The following GRIA2 variants were observed in gnomAD, a reference collection of about 807,000 sequenced individuals.
GRIA2 encodes glutamate ionotropic receptor AMPA type subunit 2.
In GRIA2, 14 loss-of-function variants were observed where a neutral mutation model predicts 97.3. That is an observed-to-expected ratio of 0.14 (90% CI 0.10 to 0.23). GRIA2 has a LOEUF of 0.23. Among genes scored for constraint, GRIA2 ranks in the 10% least tolerant of loss-of-function variants. The pLI, the probability that GRIA2 is intolerant of heterozygous loss-of-function variation, is 1.00. For synonymous variants in GRIA2, 412 were observed against 387.8 expected (o/e 1.06, Z -0.73); for missense variants, 558 against 1,069.8 (o/e 0.52, Z 6.67).
chr4:157,224,690 G>T (rs1327662285), intron 2 of GRIA2, among the ~76,000 whole-genome samples: 2 of 152,204 alleles, frequency 1.3e-5, no homozygotes, highest in African/African-American at 4.8e-5. Flanking sequence ...AAATTTGTCA[G>T]CATGGGTCTT....
intron 2 of GRIA2, among the ~76,000 whole-genome samples, chr4:157,229,668 C>G (rs1297751628): frequency 6.6e-6 from 1 of 152,078 alleles, no homozygotes; most frequent in Non-Finnish European, 1.5e-5. Flanking sequence ...TTAATACTTA[C>G]ATTTTTTCCT....
At chr4:157,328,899 A>C (rs1734925861) in intron 6 of GRIA2, among the ~76,000 whole-genome samples, 1 of 152,020 alleles carries the variant, frequency 6.6e-6, no homozygotes. Context: ...GTTTCTTGCC[A>C]ATGCAGCTCC....
intron 6 of GRIA2, among the ~76,000 whole-genome samples, chr4:157,329,441 T>C (rs995813252): frequency 2.0e-5 from 3 of 151,966 alleles, no homozygotes; most frequent in African/African-American, 7.2e-5. Flanking sequence ...CATAAAACAC[T>C]ATTCTTATGG....
intron 2 of GRIA2, among the ~76,000 whole-genome samples, chr4:157,227,966 A>G (rs546645474): frequency 1.3e-5 from 2 of 152,360 alleles, no homozygotes; most frequent in South Asian, 4.1e-4. Context: ...GATTCTTACA[A>G]TGCTGTTCAT....
intron 8 of GRIA2, among the ~76,000 whole-genome samples, 181 bp from the exon 9 acceptor site, chr4:157,333,829 A>T (rs948247518): frequency 6.6e-6 from 1 of 152,058 alleles, no homozygotes; most frequent in Non-Finnish European, 1.5e-5. Context: ...ATTTTTAGGA[A>T]TTTTTTTATA....
chr4:157,248,806 AT>A (rs1561009815), intron 2 of GRIA2, among the ~76,000 whole-genome samples: 9 of 136,196 alleles, frequency 6.6e-5, no homozygotes, highest in East Asian at 2.1e-4. Flanking sequence ...ATATATATAT[AT>A]ATATATAAAT....
chr4:157,331,246 G>A (rs1735034802), intron 6 of GRIA2, among the ~76,000 whole-genome samples: 1 of 151,838 alleles, frequency 6.6e-6, no homozygotes, highest in South Asian at 2.1e-4. Context: ...TATGCTACGT[G>A]GATCTGAATG....
At chr4:157,246,658 A>G (rs529483363) in intron 2 of GRIA2, among the ~76,000 whole-genome samples, 4 of 152,206 alleles carry the variant, frequency 2.6e-5, no homozygotes, top group South Asian at 2.1e-4. Context: ...GATGAGCTGC[A>G]TATATTGTGA....
intron 11 of GRIA2, among the ~76,000 whole-genome samples, chr4:157,339,531 TATC>T (rs1392825749): frequency 2.6e-5 from 4 of 151,984 alleles, no homozygotes; most frequent in Non-Finnish European, 4.4e-5. Context: ...AATTTTTAGA[TATC>T]ATGTACATTT....
chr4:157,336,843 G>A lies in GRIA2; in HGVS notation c.1844+96G>A, dbSNP rs770119631. 23 of 1,141,670 alleles carry A rather than the reference G, an allele frequency of 2.0e-5. No individual in the cohort carries two copies. In the East Asian group the frequency reaches 2.6e-4, roughly 13 times the overall value. The allele number at this position is 1,141,670 out of a possible 1,614,324, so 70.7% of individuals were successfully genotyped here. The stretch of plus-strand genomic sequence containing the variant: ...CACCCTAAAGAAGTTACCAGCTGCC[G>A]ACTTCCTGTCCAAGCAGTTTAAGAC... On this transcript the variant is annotated intron_variant, in intron 11 of 15. Transcript: ENST00000264426.
At chr4:157,336,044 CAGAA>C (rs1735269906) in intron 10 of GRIA2, among the ~76,000 whole-genome samples, 167 bp downstream of exon 10, 1 of 151,846 alleles carries the variant, frequency 6.6e-6, no homozygotes, top group Admixed American at 6.6e-5. Context: ...AGATTGAAGC[CAGAA>C]GTAGACATGT....
intron 6 of GRIA2, among the ~76,000 whole-genome samples, chr4:157,332,188 C>T (rs1022525922): frequency 3.3e-5 from 5 of 152,142 alleles, no homozygotes; most frequent in South Asian, 2.1e-4. Context: ...TGCTGTCCCA[C>T]TGGGATCTGA....
chr4:157,355,727 T>G lies in GRIA2; in HGVS notation c.2044-4169T>G, dbSNP rs1470243290. Among the ~76,000 whole-genome samples the G allele has an allele frequency of 8.8e-5, 8 of 90,492 alleles. No homozygotes were observed. In the East Asian group the frequency reaches 2.6e-3, roughly 29 times the overall value. 59.4% of individuals were successfully genotyped at this position (90,492 alleles called of 152,430 possible). On this transcript the variant is annotated intron_variant, in intron 12 of 15. Coordinates refer to ENST00000264426, the MANE Select transcript of GRIA2 (RefSeq NM_001083619.3). ...ATTTGTATATATTTATTTATATATT[T>G]ATTTATATATTTATTTATATATTTA...
At chr4:157,287,664 G>A (rs1476131192) in intron 2 of GRIA2, among the ~76,000 whole-genome samples, 2 of 151,458 alleles carry the variant, frequency 1.3e-5, no homozygotes, top group African/African-American at 4.8e-5. Context: ...GTTCCAAGAG[G>A]TGACTTTTGT....
Position 157,341,266 on chromosome 4 carries a change from C to T in GRIA2, c.1847C>T (p.Ser616Phe). Residue 616 changes from serine to phenylalanine, a missense_variant and splice_region_variant, in exon 12 of 16, where the codon TCC (serine) becomes TTC (phenylalanine). By Grantham distance (155) the Ser-to-Phe change is radical. This residue lies in a region of GRIA2 where 125 missense variants were observed against 310.2 expected (regional missense o/e 0.40). Transcript: ENST00000264426. ...ATCCATTTCATACTTGTTATTAGAT[C>T]CCTCTCTGGGCGCATTGTTGGAGGT... ...MQQGCDISPR[S>F]LSGRIVGGVW... The T allele has an allele frequency of 6.2e-7, 1 of 1,605,156 alleles. No homozygotes were observed. The highest frequency in any genetic ancestry group is 8.5e-7 in the Non-Finnish European group (1 of 1,172,340).
At chr4:157,362,037 T>C (rs987075248) in intron 14 of GRIA2, among the ~76,000 whole-genome samples, 1 of 152,260 alleles carries the variant, frequency 6.6e-6, no homozygotes, top group Admixed American at 6.5e-5. Flanking sequence ...TTGCAGCATC[T>C]ATAGTATCAC....
At chr4:157,348,953 T>C (rs1252709071) in intron 12 of GRIA2, among the ~76,000 whole-genome samples, 1 of 152,234 alleles carries the variant, frequency 6.6e-6, no homozygotes, top group Non-Finnish European at 1.5e-5. Context: ...TATGAAGTCA[T>C]TGTCCTATAT....
chr4:157,335,486 C>T (rs918293030), intron 9 of GRIA2, 185 bp from the exon 10 acceptor site: 5 of 584,006 alleles, frequency 8.6e-6, no homozygotes, highest in African/African-American at 1.9e-5. Flanking sequence ...TAGTGATAGA[C>T]ATTCCGAGGC....
At chr4:157,280,427 G>A (rs1326842128) in intron 2 of GRIA2, among the ~76,000 whole-genome samples, 4 of 152,022 alleles carry the variant, frequency 2.6e-5, no homozygotes, top group Non-Finnish European at 4.4e-5. Context: ...ATAGTGATAG[G>A]AAAAAGGTAG....
Sources: gnomAD v4.1 joint callset for allele counts (sites outside exome capture counted in the v4.1 genomes callset) on GRCh38, gnomAD v4.1.1 for gene constraint, gnomAD v4.1.1 regional missense constraint, MANE v1.5 for transcripts, NCBI Gene and HGNC (gene_info 2026-07-23, HGNC 2026-07-21) for gene names.